ANO3: variants seen among roughly 807,000 people sequenced by gnomAD.
The protein encoded by ANO3 is anoctamin 3, also known as anoctamin-3.
Under a neutral mutation model 144.8 loss-of-function variants are expected in ANO3, and 99 were observed. The observed-to-expected ratio is 0.68, with a 90% CI of 0.58 to 0.81. The LOEUF (loss-of-function observed/expected upper bound fraction) is 0.81. Among genes scored for constraint, ANO3 ranks in the 30% least tolerant of loss-of-function variants. The pLI, the probability that ANO3 is intolerant of heterozygous loss-of-function variation, is 0.00. For synonymous variants in ANO3, 414 were observed against 392.6 expected (o/e 1.05, Z -0.64); for missense variants, 905 against 1,202.2 (o/e 0.75, Z 3.66).
intron 3 of ANO3, among the ~76,000 whole-genome samples, chr11:26,455,739 G>C (rs1160609846): frequency 6.6e-6 from 1 of 151,084 alleles, no homozygotes; most frequent in African/African-American, 2.4e-5. Context: ...AGTTCATATT[G>C]AACCAAAAAA....
chr11:26,329,295 TACAC>T (rs201501181), upstream of ANO3, among the ~76,000 whole-genome samples: 112 of 145,004 alleles, frequency 7.7e-4, no homozygotes, highest in African/African-American at 1.9e-3. Context: ...TTTCTTTCTT[TACAC>T]ACACACACAC....
intron 1 of ANO3, among the ~76,000 whole-genome samples, chr11:26,265,252 A>G (rs576467044): frequency 2.0e-5 from 3 of 152,264 alleles, no homozygotes; most frequent in African/African-American, 7.2e-5. Context: ...TTTGAATTCA[A>G]TGGTTTTTCT....
At chr11:26,632,029 C>G (rs1478349799) in intron 18 of ANO3, among the ~76,000 whole-genome samples, 2 of 151,420 alleles carry the variant, frequency 1.3e-5, no homozygotes, top group Non-Finnish European at 2.9e-5. Context: ...AAAATACCTC[C>G]CCACCAAAAA....
chr11:26,621,234 G>GGATGAAGTCTTAGCTGAT (rs1852405581), intron 17 of ANO3, among the ~76,000 whole-genome samples: 1 of 152,128 alleles, frequency 6.6e-6, no homozygotes, highest in Non-Finnish European at 1.5e-5. Flanking sequence ...TCTTAGCTGA[G>GGATGAAGTCTTAGCTGAT]AATGAATTCC....
At chr11:26,433,171 T>C (rs976285069) in intron 1 of ANO3, among the ~76,000 whole-genome samples, 1 of 152,088 alleles carries the variant, frequency 6.6e-6, no homozygotes, top group Non-Finnish European at 1.5e-5. Flanking sequence ...AAAGGGATTG[T>C]GTTCCTGATG....
At chr11:26,563,935 T>C (rs1163669436) in intron 14 of ANO3, among the ~76,000 whole-genome samples, 1 of 151,948 alleles carries the variant, frequency 6.6e-6, no homozygotes, top group Non-Finnish European at 1.5e-5. Flanking sequence ...CTAAATGTTC[T>C]CTGAACTGAA....
At position 26,558,624 on chromosome 11, in the gene ANO3, T is replaced by C. The variant is rs549568632; in HGVS notation, c.1387-1095T>C. On this transcript the variant is annotated intron_variant, in intron 13 of 26. Transcript: ENST00000256737. ...AGCCATATGGGACATTTTGCACCTA[T>C]CCACCAACCTTCAAAGGGAGCGCAT... 4.6e-5 allele frequency among the ~76,000 whole-genome samples: 7 copies of C among 152,284 alleles called. No homozygotes were observed. In the East Asian group the frequency reaches 9.7e-4, roughly 21 times the overall value.
intron 1 of ANO3, among the ~76,000 whole-genome samples, chr11:26,275,051 T>C (rs1353300971): frequency 1.3e-5 from 2 of 152,076 alleles, no homozygotes; most frequent in Non-Finnish European, 2.9e-5. Flanking sequence ...ACTCTATCAA[T>C]ATGGTCATTG....
At chr11:26,520,673 A>G (rs913779288) in intron 6 of ANO3, among the ~76,000 whole-genome samples, 2 of 152,114 alleles carry the variant, frequency 1.3e-5, no homozygotes, top group African/African-American at 4.8e-5. Flanking sequence ...TTTACTGAAA[A>G]TATTTTTAGA....
intron 4 of ANO3, among the ~76,000 whole-genome samples, chr11:26,492,657 T>G (rs1005499628): frequency 7.2e-5 from 11 of 152,224 alleles, no homozygotes; most frequent in African/African-American, 2.7e-4. Context: ...TTTAGACTAA[T>G]CAACTCATTT....
upstream of ANO3, among the ~76,000 whole-genome samples, chr11:26,306,329 A>G (rs776711814): frequency 1.3e-5 from 2 of 151,120 alleles, no homozygotes; most frequent in African/African-American, 2.5e-5. Flanking sequence ...TTCAGCCTTC[A>G]CCTTTGCATA....
At chr11:26,450,165 A>G (rs1206894136) in intron 3 of ANO3, among the ~76,000 whole-genome samples, 1 of 152,164 alleles carries the variant, frequency 6.6e-6, no homozygotes, top group Non-Finnish European at 1.5e-5. Flanking sequence ...TCACTAGATG[A>G]TAGTAACTGT....
chr11:26,395,884 C>T (rs1162982197), intron 1 of ANO3, among the ~76,000 whole-genome samples: 1 of 152,066 alleles, frequency 6.6e-6, no homozygotes, highest in Non-Finnish European at 1.5e-5. Flanking sequence ...TAGGCATGGG[C>T]AAAGACTTCA....
At chr11:26,562,796 C>G (rs955023619) in intron 14 of ANO3, among the ~76,000 whole-genome samples, 1 of 151,876 alleles carries the variant, frequency 6.6e-6, no homozygotes, top group African/African-American at 2.4e-5. Context: ...CACTTGCTAA[C>G]AAAACTGGTC....
chr11:26,215,117 G>A (rs941603801), intron 1 of ANO3, among the ~76,000 whole-genome samples: 1 of 151,794 alleles, frequency 6.6e-6, no homozygotes, highest in African/African-American at 2.4e-5. Context: ...TGTTTGTCAG[G>A]TTTCTCTATA....
At chr11:26,590,976 T>C (rs1851433226) in intron 14 of ANO3, among the ~76,000 whole-genome samples, 1 of 152,180 alleles carries the variant, frequency 6.6e-6, no homozygotes, top group Non-Finnish European at 1.5e-5. Flanking sequence ...CTAGGGTTTA[T>C]ATCCCGAATA....
chr11:26,522,417 T>C (rs1240477260), intron 6 of ANO3, among the ~76,000 whole-genome samples: 1 of 152,180 alleles, frequency 6.6e-6, no homozygotes, highest in Non-Finnish European at 1.5e-5. Flanking sequence ...TTGACTGTGT[T>C]GGACTCTGGC....
intron 1 of ANO3, among the ~76,000 whole-genome samples, chr11:26,358,059 G>T (rs10732481): frequency 1 from 151,644 of 152,336 alleles, 75,478 homozygotes; most frequent in Middle Eastern, 1. Context: ...AACTTCATAC[G>T]GTAGCTTTAT....
chr11:26,387,450 C>T (rs959244669), intron 1 of ANO3, among the ~76,000 whole-genome samples: 1 of 151,904 alleles, frequency 6.6e-6, no homozygotes, highest in Non-Finnish European at 1.5e-5. Flanking sequence ...TACTATATGA[C>T]CCTATTAAAT....
Sources: gnomAD v4.1 joint callset for allele counts (sites outside exome capture counted in the v4.1 genomes callset) on GRCh38, gnomAD v4.1.1 for gene constraint, MANE v1.5 for transcripts, NCBI Gene and HGNC (gene_info 2026-07-23, HGNC 2026-07-21) for gene names.